MYO3A: variants seen among roughly 807,000 people sequenced by gnomAD.
MYO3A encodes the protein myosin IIIA, also known as myosin-IIIa.
Under a neutral mutation model 192.7 loss-of-function variants are expected in MYO3A, and 180 were observed. The ratio of observed to expected loss-of-function variants is 0.93; its 90% confidence interval spans 0.83 to 1.06. The LOEUF is 1.06. Among genes scored for constraint, MYO3A ranks in the 50% least tolerant of loss-of-function variants. The pLI is 0.00. For synonymous variants in MYO3A, 628 were observed against 645.3 expected (o/e 0.97, Z 0.41); for missense variants, 1,896 against 1,905.0 (o/e 1.00, Z 0.09).
chr10:25,994,428 C>T (rs1840284168), intron 4 of MYO3A, among the ~76,000 whole-genome samples: 1 of 152,196 alleles, frequency 6.6e-6, no homozygotes, highest in African/African-American at 2.4e-5. Context: ...AGATGGGTCT[C>T]CTGAATACAG....
chr10:26,197,478 G>A (rs1003506457), intron 32 of MYO3A, among the ~76,000 whole-genome samples: 1 of 152,206 alleles, frequency 6.6e-6, no homozygotes. Context: ...ATCCCTGACT[G>A]CCATGGCTAA....
At chr10:26,118,329 C>T (rs1360750783) in intron 17 of MYO3A, among the ~76,000 whole-genome samples, 1 of 152,150 alleles carries the variant, frequency 6.6e-6, no homozygotes, top group Non-Finnish European at 1.5e-5. Context: ...ATGCTAATTC[C>T]TTATCAGAGT....
At chr10:26,140,588 G>C (rs2131829519) in intron 20 of MYO3A, among the ~76,000 whole-genome samples, 1 of 151,848 alleles carries the variant, frequency 6.6e-6, no homozygotes, top group South Asian at 2.1e-4. Context: ...GGAGGCTGAA[G>C]CAGGTAGAAT....
chr10:26,188,879 T>C (rs557128830), intron 31 of MYO3A, among the ~76,000 whole-genome samples: 82 of 152,340 alleles, frequency 5.4e-4, no homozygotes, highest in African/African-American at 1.9e-3. Context: ...CATGCTGTTT[T>C]GGTTACTGCA....
intron 20 of MYO3A, among the ~76,000 whole-genome samples, chr10:26,140,645 A>G (rs1020997033): frequency 4.0e-5 from 6 of 150,896 alleles, no homozygotes; most frequent in Non-Finnish European, 7.4e-5. Context: ...AGATGACACC[A>G]CTGTACTCCA....
chr10:26,063,184 C>G (rs1834616168), intron 10 of MYO3A, among the ~76,000 whole-genome samples: 1 of 152,070 alleles, frequency 6.6e-6, no homozygotes, highest in Non-Finnish European at 1.5e-5. Context: ...CTGGCTGGAT[C>G]TAGTAGTCAG....
chr10:26,113,733 G>A (rs2131658726), intron 17 of MYO3A, among the ~76,000 whole-genome samples: 1 of 152,226 alleles, frequency 6.6e-6, no homozygotes, highest in East Asian at 1.9e-4. Flanking sequence ...AGATCCCTAG[G>A]CTAAAGTCCT....
At chr10:26,023,576 A>T in intron 8 of MYO3A, 1 of 179,764 alleles carries the variant, frequency 5.6e-6, no homozygotes, top group Non-Finnish European at 1.2e-5. Context: ...ACAACAACTC[A>T]TAAGGGCATT....
chr10:26,125,688 A>C (rs1839181169), intron 19 of MYO3A, 80 bp downstream of exon 19: 1 of 1,199,668 alleles, frequency 8.3e-7, no homozygotes, highest in Admixed American at 1.7e-5. Flanking sequence ...TTTTGTATAG[A>C]TCTCTTTCAA....
chr10:26,088,386 C>A lies in MYO3A; in HGVS notation c.1543C>A (p.Arg515=), dbSNP rs200822452. 3 of 1,613,674 alleles carry A rather than the reference C, an allele frequency of 1.9e-6. No individual in the cohort carries two copies. The highest frequency in any genetic ancestry group is 1.3e-5 in the African/African-American group (1 of 75,024). The change falls in exon 15 of 35, where the codon CGA becomes AGA. Residue 515 remains arginine, a synonymous_variant. Transcript: ENST00000642920. Reference sequence around the variant, plus strand: ...TTCTGAATATCTCCTGGAAAAATCCCGAGTTATCCACCAAGCTATGTAAGT... The same window carrying A: ...TTCTGAATATCTCCTGGAAAAATCCAGAGTTATCCACCAAGCTATGTAAGT... ...QISEYLLEKS[R]VIHQAIGEKN...
intron 4 of MYO3A, among the ~76,000 whole-genome samples, chr10:25,994,403 G>A (rs959036665): frequency 1.3e-5 from 2 of 152,158 alleles, no homozygotes; most frequent in African/African-American, 4.8e-5. Context: ...GAGCCTACGT[G>A]CGTCTCTGCA....
chr10:26,036,230 C>T (rs538934331), intron 10 of MYO3A, among the ~76,000 whole-genome samples: 88 of 151,930 alleles, frequency 5.8e-4, no homozygotes, highest in Non-Finnish European at 1.0e-3. Flanking sequence ...TGAGCCACTG[C>T]GCCCAGCCCC....
chr10:26,140,034 G>A (rs2131826635), intron 20 of MYO3A, among the ~76,000 whole-genome samples: 1 of 152,336 alleles, frequency 6.6e-6, no homozygotes, highest in African/African-American at 2.4e-5. Context: ...TGCATGGAGA[G>A]TGACCAGTTA....
intron 10 of MYO3A, among the ~76,000 whole-genome samples, chr10:26,027,235 T>C (rs1000011922): frequency 2.0e-5 from 3 of 152,256 alleles, no homozygotes; most frequent in African/African-American, 7.2e-5. Context: ...TTAAATAGTA[T>C]ATAAGTTTAT....
At chr10:25,967,835 T>C (rs1177582654) in intron 4 of MYO3A, among the ~76,000 whole-genome samples, 1 of 152,116 alleles carries the variant, frequency 6.6e-6, no homozygotes, top group African/African-American at 2.4e-5. Context: ...AACAGCACAA[T>C]AGGCATATGG....
At chr10:25,935,182 A>G (rs894675936) in intron 1 of MYO3A, among the ~76,000 whole-genome samples, 1 of 152,222 alleles carries the variant, frequency 6.6e-6, no homozygotes, top group Non-Finnish European at 1.5e-5. Context: ...TTAAGGAGAA[A>G]GAGCAGACAA....
At chr10:26,046,417 T>C (rs1464951244) in intron 10 of MYO3A, among the ~76,000 whole-genome samples, 1 of 152,196 alleles carries the variant, frequency 6.6e-6, no homozygotes, top group Non-Finnish European at 1.5e-5. Context: ...GAGGAAAAAC[T>C]GTATTTTCAA....
At chr10:26,026,297 G>A in intron 9 of MYO3A, 80 bp from the exon 10 acceptor site, 2 of 1,518,852 alleles carry the variant, frequency 1.3e-6, no homozygotes, top group Middle Eastern at 1.7e-4. Flanking sequence ...TCGTGTGTTA[G>A]ATTAATTTTT....
chr10:26,162,054 C>T (rs2131967190), intron 26 of MYO3A, among the ~76,000 whole-genome samples: 1 of 152,312 alleles, frequency 6.6e-6, no homozygotes. Flanking sequence ...GGAAACAGGG[C>T]TTTAAAAATC....
Sources: allele counts gnomAD v4.1 joint callset (sites outside exome capture counted in the v4.1 genomes callset), GRCh38; gene constraint gnomAD v4.1.1; transcripts MANE v1.5; gene names NCBI Gene and HGNC (gene_info 2026-07-23, HGNC 2026-07-21).